The following CDH2 variants were observed in gnomAD, a reference collection of about 807,000 sequenced individuals.
CDH2 encodes the protein cadherin 2.
Under a neutral mutation model 92.0 loss-of-function variants are expected in CDH2, and 17 were observed. The ratio of observed to expected loss-of-function variants is 0.18; its 90% confidence interval spans 0.13 to 0.28. The LOEUF (loss-of-function observed/expected upper bound fraction) is 0.28, where lower values mean the gene tolerates loss of function less well. CDH2 is among the 10% of genes least tolerant of loss of function. The pLI is 1.00. For missense variants in CDH2, 862 were observed against 1,133.1 expected (o/e 0.76, Z 3.44); for synonymous variants, 419 against 415.9 (o/e 1.01, Z -0.09).
intron 7 of CDH2, among the ~76,000 whole-genome samples, chr18:27,996,894 G>A (rs2012602176): frequency 6.6e-6 from 1 of 152,138 alleles, no homozygotes; most frequent in African/African-American, 2.4e-5. Context: ...AACCCATACT[G>A]GGAGCATAAA....
At chr18:27,992,952 C>A in intron 8 of CDH2, 112 bp from the exon 9 acceptor site, 1 of 645,396 alleles carries the variant, frequency 1.5e-6, no homozygotes, top group Non-Finnish European at 2.6e-6. Context: ...TTATTATCTA[C>A]ACTAAATGAG....
At chr18:28,137,779 A>AT (rs1568013211) in intron 2 of CDH2, among the ~76,000 whole-genome samples, 1 of 152,006 alleles carries the variant, frequency 6.6e-6, no homozygotes, top group Non-Finnish European at 1.5e-5. Context: ...TATAATTTTT[A>AT]TTTTTTTGTT....
chr18:28,156,053 T>C (rs574530506), intron 1 of CDH2, among the ~76,000 whole-genome samples: 2 of 152,330 alleles, frequency 1.3e-5, no homozygotes, highest in South Asian at 4.1e-4. Flanking sequence ...TTTTAACTCT[T>C]TCTTGCCTTC....
chr18:28,151,988 A>G (rs1007627694), intron 1 of CDH2, among the ~76,000 whole-genome samples: 1 of 151,898 alleles, frequency 6.6e-6, no homozygotes, highest in Non-Finnish European at 1.5e-5. Context: ...TTCCATTTTC[A>G]AGTCTTGAAA....
chr18:28,013,690 G>A lies in CDH2; in HGVS notation c.392C>T (p.Ser131Leu), dbSNP rs202040611. ...CATATTCGGATACTATACCTTCACTGACTCCTCAGTTAAGGTTGGCTTCAG... is the reference window on the plus strand; with the variant it reads ...CATATTCGGATACTATACCTTCACTAACTCCTCAGTTAAGGTTGGCTTCAG... ...LSLKPTLTEE[S>L]VKESAEVEEI... The change falls in exon 3 of 16, where the codon TCA becomes TTA. Residue 131 changes from serine (S) to leucine (L), a missense_variant. This residue lies in a region of CDH2 where 159 missense variants were observed against 177.2 expected (regional missense o/e 0.90). Transcript: ENST00000269141. 19 of 1,611,522 alleles carry A rather than the reference G, an allele frequency of 1.2e-5. No individual in the cohort carries two copies. Among genetic ancestry groups the A allele is most frequent in the Non-Finnish European group, 1.5e-5 (18 of 1,177,890 alleles).
intron 2 of CDH2, among the ~76,000 whole-genome samples, chr18:28,097,545 C>T (rs1239954770): frequency 6.6e-6 from 1 of 151,802 alleles, no homozygotes; most frequent in African/African-American, 2.4e-5. Flanking sequence ...CAACCAACTG[C>T]TAACAAAAAA....
chr18:28,071,061 T>C (rs981214004), intron 2 of CDH2, among the ~76,000 whole-genome samples: 6 of 152,124 alleles, frequency 3.9e-5, no homozygotes, highest in African/African-American at 7.2e-5. Context: ...GAAAGAATGA[T>C]GTGTATCTCC....
At chr18:28,050,668 GGA>G (rs2014172663) in intron 2 of CDH2, among the ~76,000 whole-genome samples, 1 of 152,114 alleles carries the variant, frequency 6.6e-6, no homozygotes, top group African/African-American at 2.4e-5. Flanking sequence ...GCTGCATAGA[GGA>G]GATATAATGC....
intron 2 of CDH2, among the ~76,000 whole-genome samples, chr18:28,118,575 T>G (rs1283391271): frequency 6.6e-6 from 1 of 151,376 alleles, no homozygotes; most frequent in African/African-American, 2.4e-5. Context: ...ATTAGTCTGT[T>G]TTTAAATTTA....
intron 2 of CDH2, among the ~76,000 whole-genome samples, chr18:28,034,569 C>T (rs1468177469): frequency 1.3e-5 from 2 of 151,868 alleles, no homozygotes; most frequent in Non-Finnish European, 2.9e-5. Flanking sequence ...TGTCATTTTT[C>T]CTTCCAATAC....
At chr18:28,147,934 G>C in intron 1 of CDH2, 150 bp from the exon 2 acceptor site, 2 of 588,384 alleles carry the variant, frequency 3.4e-6, no homozygotes, top group Non-Finnish European at 6.0e-6. Context: ...AGAATGTAGA[G>C]GGCAAAGGGT....
At chr18:28,075,035 T>C (rs1290843830) in intron 2 of CDH2, among the ~76,000 whole-genome samples, 1 of 152,206 alleles carries the variant, frequency 6.6e-6, no homozygotes, top group African/African-American at 2.4e-5. Flanking sequence ...AATTTCCTCA[T>C]CTGTTAACAG....
chr18:28,066,121 T>C (rs1306547877), intron 2 of CDH2, among the ~76,000 whole-genome samples: 1 of 152,140 alleles, frequency 6.6e-6, no homozygotes, highest in Non-Finnish European at 1.5e-5. Flanking sequence ...ATAATAACCA[T>C]TTGAAAAGTT....
chr18:28,157,808 G>A (rs993550501), intron 1 of CDH2, among the ~76,000 whole-genome samples: 2 of 151,956 alleles, frequency 1.3e-5, no homozygotes, highest in African/African-American at 2.4e-5. Context: ...AAAGACTTCA[G>A]GTAAAACTTT....
intron 2 of CDH2, among the ~76,000 whole-genome samples, chr18:28,102,021 C>T (rs896362793): frequency 6.6e-6 from 1 of 152,062 alleles, no homozygotes; most frequent in African/African-American, 2.4e-5. Context: ...GAAGTTAAAG[C>T]ATGTTCCTAT....
chr18:28,074,460 G>C (rs1332019154), intron 2 of CDH2, among the ~76,000 whole-genome samples: 1 of 152,030 alleles, frequency 6.6e-6, no homozygotes, highest in South Asian at 2.1e-4. Flanking sequence ...TGGTCAGGCT[G>C]GTTTTCAACT....
rs915840446 is a variant in CDH2 at position 28,010,002 on chromosome 18, A to C, written c.547-130T>G. On this transcript the variant is annotated intron_variant, in intron 4 of 15. Coordinates refer to ENST00000269141, the MANE Select transcript of CDH2 (RefSeq NM_001792.5). Reference sequence around the variant, plus strand: ...CCATCTCTCCCCAGAAAATCACTGAAACTCTCCTAGTGCCTGTTCTTCCTC... The same window carrying C: ...CCATCTCTCCCCAGAAAATCACTGACACTCTCCTAGTGCCTGTTCTTCCTC... 3.0e-5 allele frequency: 18 copies of C among 598,462 alleles called. 1 individual carries two copies. The highest frequency in any genetic ancestry group is 2.8e-4 in the African/African-American group (15 of 53,152). 37.1% of individuals were successfully genotyped at this position (598,462 alleles called of 1,614,324 possible).
chr18:28,148,303 A>C (rs2144328569), intron 1 of CDH2, among the ~76,000 whole-genome samples: 1 of 152,336 alleles, frequency 6.6e-6, no homozygotes, highest in South Asian at 2.1e-4. Flanking sequence ...ACCAAGTAAA[A>C]CCAATCAAAA....
At chr18:27,976,258 C>G (rs1252525456) in intron 14 of CDH2, among the ~76,000 whole-genome samples, 3 of 152,144 alleles carry the variant, frequency 2.0e-5, no homozygotes, top group Admixed American at 6.5e-5. Flanking sequence ...CTCCTTGAAC[C>G]AGAACTCATG....
Sources: gnomAD v4.1 joint callset for allele counts (sites outside exome capture counted in the v4.1 genomes callset) on GRCh38, gnomAD v4.1.1 for gene constraint, gnomAD v4.1.1 regional missense constraint, MANE v1.5 for transcripts, NCBI Gene and HGNC (gene_info 2026-07-23, HGNC 2026-07-21) for gene names.